Variants in WWOX observed in about 807,000 individuals in gnomAD.
The protein encoded by WWOX is WW domain-containing oxidoreductase.
Under a neutral mutation model 46.2 loss-of-function variants are expected in WWOX, and 69 were observed. The ratio of observed to expected loss-of-function variants is 1.49; its 90% CI spans 1.23 to 1.82. The LOEUF (loss-of-function observed/expected upper bound fraction) is 1.82, where lower values mean the gene tolerates loss of function less well. WWOX is among the 40% of genes most tolerant of loss of function. WWOX has a pLI of 0.00. For synonymous variants in WWOX, 359 were observed against 202.6 expected (o/e 1.77, Z -6.56); for missense variants, 919 against 542.6 (o/e 1.69, Z -6.89).
chr16:78,824,045 A>T (rs1297908359), intron 8 of WWOX, among the ~76,000 whole-genome samples: 1 of 152,116 alleles, frequency 6.6e-6, no homozygotes, highest in Non-Finnish European at 1.5e-5. Context: ...TGTTCATTGT[A>T]GGTTTCTAGC....
intron 8 of WWOX, among the ~76,000 whole-genome samples, chr16:78,888,952 C>G (rs1032731411): frequency 3.0e-4 from 44 of 148,826 alleles, no homozygotes; most frequent in Admixed American, 1.1e-3. Context: ...CCATAATCTC[C>G]CCCTGATGCC....
intron 6 of WWOX, among the ~76,000 whole-genome samples, chr16:78,394,091 G>T (rs1180493835): frequency 1.3e-5 from 2 of 152,106 alleles, no homozygotes; most frequent in Non-Finnish European, 2.9e-5. Flanking sequence ...TTTGTGGGAT[G>T]AATTACCCTG....
chr16:78,332,529 C>T (rs1219206344), intron 5 of WWOX, among the ~76,000 whole-genome samples: 1 of 152,176 alleles, frequency 6.6e-6, no homozygotes, highest in Non-Finnish European at 1.5e-5. Flanking sequence ...AGGTGAAAGG[C>T]TTATTCCATT....
chr16:78,221,506 C>A (rs2036887778), intron 5 of WWOX, among the ~76,000 whole-genome samples: 2 of 152,126 alleles, frequency 1.3e-5, no homozygotes, highest in Admixed American at 1.3e-4. Context: ...GGATATTTTT[C>A]CTTTTATAAG....
At chr16:78,198,010 C>A (rs566754990) in intron 5 of WWOX, among the ~76,000 whole-genome samples, 2 of 151,874 alleles carry the variant, frequency 1.3e-5, no homozygotes, top group South Asian at 4.2e-4. Flanking sequence ...TATGGTGGAG[C>A]AAAGGGCAGT....
intron 8 of WWOX, among the ~76,000 whole-genome samples, chr16:78,475,411 T>A (rs937365219): frequency 6.6e-6 from 1 of 152,286 alleles, no homozygotes; most frequent in South Asian, 2.1e-4. Flanking sequence ...CTGGGATTTG[T>A]AAATATTTTG....
At chr16:79,035,040 A>G (rs76143963) in intron 8 of WWOX, among the ~76,000 whole-genome samples, 2,042 of 152,332 alleles carry the variant, frequency 0.013, 20 homozygotes, top group South Asian at 0.031. Flanking sequence ...ACTTGTCAAC[A>G]TTTCCTACAT....
intron 8 of WWOX, among the ~76,000 whole-genome samples, chr16:78,864,754 C>CTTTTTTT (rs57606576): frequency 1.6e-4 from 14 of 87,160 alleles, no homozygotes; most frequent in African/African-American, 5.2e-4. Context: ...TCTCCAACTC[C>CTTTTTTT]TTTTTTTTTT....
chr16:78,337,547 T>G (rs2080921223), intron 5 of WWOX, among the ~76,000 whole-genome samples: 1 of 152,206 alleles, frequency 6.6e-6, no homozygotes, highest in African/African-American at 2.4e-5. Context: ...TATAGGTTTG[T>G]TCAATGCATA....
At chr16:78,543,236 A>C (rs1475324444) in intron 8 of WWOX, among the ~76,000 whole-genome samples, 1 of 152,164 alleles carries the variant, frequency 6.6e-6, no homozygotes, top group East Asian at 1.9e-4. Context: ...AACAGCAATT[A>C]AATGGTTTGG....
At chr16:78,129,881 A>C (rs1331677160) in intron 4 of WWOX, among the ~76,000 whole-genome samples, 1 of 152,140 alleles carries the variant, frequency 6.6e-6, no homozygotes. Flanking sequence ...GTATTTGGAC[A>C]TGGTTGTGTC....
intron 8 of WWOX, among the ~76,000 whole-genome samples, chr16:78,969,517 C>T (rs187243410): frequency 1.1e-4 from 17 of 152,074 alleles, no homozygotes; most frequent in Non-Finnish European, 1.9e-4. Flanking sequence ...GTGATCCAAC[C>T]GCCTCAGCCT....
At chr16:78,820,549 G>A (rs1361083775) in intron 8 of WWOX, among the ~76,000 whole-genome samples, 1 of 152,132 alleles carries the variant, frequency 6.6e-6, no homozygotes, top group Non-Finnish European at 1.5e-5. Flanking sequence ...TTTTTATTGG[G>A]ATTAGTGGAT....
chr16:78,897,954 A>G (rs1008311324), intron 8 of WWOX: 3 of 151,914 alleles, frequency 2.0e-5, no homozygotes, highest in Admixed American at 6.5e-5. Context: ...GGCCGTTCAT[A>G]TATTTTCTTT....
chr16:78,339,897 A>T (rs1329546467), intron 5 of WWOX, among the ~76,000 whole-genome samples: 1 of 111,996 alleles, frequency 8.9e-6, no homozygotes, highest in East Asian at 2.0e-4. Context: ...CTTTCAAGAG[A>T]ATTTTAGGTA....
chr16:78,221,295 G>A lies in WWOX; in HGVS notation c.516+57006G>A, dbSNP rs142850032. ...TATTGGAGTAAACTGTTCGTTGTAT[G>A]GAGTGGCTTAGCTTTCATAAAACAG... is the stretch of plus-strand genomic sequence containing the variant. On this transcript the variant is annotated intron_variant, in intron 5 of 8. Coordinates refer to ENST00000566780, the MANE Select transcript of WWOX (RefSeq NM_016373.4). 3.7e-3 allele frequency among the ~76,000 whole-genome samples: 562 copies of A among 152,260 alleles called. 2 individuals are homozygous for A. Among genetic ancestry groups the A allele is most frequent in the Non-Finnish European group, 4.3e-3 (290 of 68,018 alleles).
intron 8 of WWOX, among the ~76,000 whole-genome samples, chr16:79,000,865 A>G (rs1350743475): frequency 6.6e-6 from 1 of 152,106 alleles, no homozygotes; most frequent in Non-Finnish European, 1.5e-5. Context: ...CTTCCATGGC[A>G]TTGCCATGGT....
At chr16:78,801,282 G>A (rs2050880130) in intron 8 of WWOX, among the ~76,000 whole-genome samples, 1 of 152,154 alleles carries the variant, frequency 6.6e-6, no homozygotes, top group African/African-American at 2.4e-5. Context: ...GGCCAACGCA[G>A]GTAGATCCCC....
intron 8 of WWOX, among the ~76,000 whole-genome samples, chr16:78,769,596 G>C (rs1418437170): frequency 1.5e-5 from 2 of 137,362 alleles, no homozygotes; most frequent in East Asian, 2.2e-4. Flanking sequence ...TACCATGTCT[G>C]TTACTCCATC....
Sources: allele counts gnomAD v4.1 joint callset (sites outside exome capture counted in the v4.1 genomes callset), GRCh38; gene constraint gnomAD v4.1.1; transcripts MANE v1.5; gene names NCBI Gene and HGNC (gene_info 2026-07-23, HGNC 2026-07-21).